The following NUP37 variants were observed in gnomAD, a reference collection of about 807,000 sequenced individuals.
The protein encoded by NUP37 is nucleoporin Nup37.
Under a neutral mutation model 45.4 loss-of-function variants are expected in NUP37, and 33 were observed. That is an observed-to-expected ratio of 0.73 (90% CI 0.55 to 0.97). The LOEUF is 0.97. Among genes scored for constraint, NUP37 ranks in the 50% least tolerant of loss-of-function variants. NUP37 has a pLI of 0.00. For synonymous variants in NUP37, 127 were observed against 130.7 expected, an observed-to-expected ratio of 0.97 and a Z score of 0.19; for missense variants, 365 against 389.7, an observed-to-expected ratio of 0.94 and a Z score of 0.53.
At chr12:102,092,356 A>T (rs1879679205) in intron 5 of NUP37, among the ~76,000 whole-genome samples, 1 of 152,176 alleles carries the variant, frequency 6.6e-6, no homozygotes, top group Non-Finnish European at 1.5e-5. Context: ...TTGATTAATT[A>T]AGTAAGAAAG....
At chr12:102,089,757 T>C (rs572481077) in intron 5 of NUP37, among the ~76,000 whole-genome samples, 17 of 146,414 alleles carry the variant, frequency 1.2e-4, no homozygotes, top group African/African-American at 4.3e-4. Context: ...CCAGAGGAGG[T>C]GGCCGGGCAG....
chr12:102,116,157 TGTTA>T (rs1165370509), intron 2 of NUP37, among the ~76,000 whole-genome samples: 7 of 152,324 alleles, frequency 4.6e-5, no homozygotes, highest in Middle Eastern at 3.4e-3. Flanking sequence ...TTTTTTCTCA[TGTTA>T]GTCATTTTCC....
rs537434932 is a variant in NUP37 at position 102,094,112 on chromosome 12, GTTCTT to G, written c.449+4989_449+4993del. Among the ~76,000 whole-genome samples the G allele has an allele frequency of 1.9e-3, 282 of 152,186 alleles. 1 individual carries two copies. Among genetic ancestry groups the G allele is most frequent in the African/African-American group, 6.6e-3 (273 of 41,552 alleles). ...TGTGTTTTAGTATAATTTTTGGAGA[GTTCTT>G]TTAACGACAAAGAATCTCTATGTTC... is the stretch of plus-strand genomic sequence containing the variant. On this transcript the variant is annotated intron_variant, in intron 5 of 9. Coordinates refer to ENST00000552283, the MANE Select transcript of NUP37 (RefSeq NM_024057.4).
At position 102,101,052 on chromosome 12, in the gene NUP37, G is replaced by A; in HGVS notation, c.334C>T (p.Gln112Ter). Residue 112 changes from glutamine (Q) to a stop codon, truncating the protein, a stop_gained, in exon 4 of 10, where the codon CAG becomes TAG. Coordinates refer to ENST00000552283, the MANE Select transcript of NUP37 (RefSeq NM_024057.4). LOFTEE classifies it high-confidence loss of function. ...CATACCTTATATTCATTTTTATCCTGAAGATCTGAAGTAAATAATCTAATT... is the reference window on the plus strand; with the variant it reads ...CATACCTTATATTCATTTTTATCCTAAAGATCTGAAGTAAATAATCTAATT... ...MKIRLFTSDL[Q>*]DKNEYKVLEG... 1 of 1,550,266 alleles carries A rather than the reference G, an allele frequency of 6.5e-7. No homozygotes were observed. Among genetic ancestry groups the A allele is most frequent in the South Asian group, 1.2e-5 (1 of 83,140 alleles).
In NUP37 at chr12:102,118,450, T is replaced by C. The variant is rs1217382729; in HGVS notation, c.69A>G (p.Glu23=). The part of the protein sequence containing the change: ...VDCEDYVHVV[E]FNPFENGDSG... ...AATCCCCATTCTCAAAGGGATTAAA[T>C]TCTACCACATGCACATAATCTTCAC... The change falls in exon 2 of 10, where the codon GAA becomes GAG. Residue 23 remains glutamate (E), a synonymous_variant. Transcript: ENST00000552283. The C allele has an allele frequency of 6.2e-7, 1 of 1,614,088 alleles. No homozygotes were observed. The highest frequency in any genetic ancestry group is 1.7e-5 in the Admixed American group (1 of 60,006).
At chr12:102,088,695 T>C (rs1283305698) in intron 5 of NUP37, among the ~76,000 whole-genome samples, 1 of 139,936 alleles carries the variant, frequency 7.1e-6, no homozygotes, top group African/African-American at 3.3e-5. Context: ...GTTTTTGTTT[T>C]TGTTTTAATT....
intron 7 of NUP37, 167 bp from the exon 8 acceptor site, chr12:102,077,014 A>T (rs1594382741): frequency 1.6e-6 from 1 of 624,432 alleles, no homozygotes; most frequent in East Asian, 2.7e-5. Flanking sequence ...CAATAAAGAC[A>T]TGACTTAGAA....
chr12:102,076,770 A>G (rs1291264865), intron 8 of NUP37, 27 bp downstream of exon 8: 2 of 1,606,926 alleles, frequency 1.2e-6, no homozygotes, highest in Admixed American at 3.3e-5. Context: ...AGATCAAATC[A>G]CAGCTCCAAC....
chr12:102,074,549 G>T, intron 9 of NUP37, 82 bp from the exon 10 acceptor site: 1 of 786,628 alleles, frequency 1.3e-6, no homozygotes, highest in Non-Finnish European at 2.1e-6. Context: ...AATATGAAAT[G>T]CATTGATGAT....
At chr12:102,110,745 T>C (rs1398877894) in intron 3 of NUP37, among the ~76,000 whole-genome samples, 2 of 152,018 alleles carry the variant, frequency 1.3e-5, no homozygotes, top group African/African-American at 4.8e-5. Context: ...AGGAGGAGGC[T>C]GAGGTGGGAA....
intron 5 of NUP37, 130 bp from the exon 6 acceptor site, chr12:102,085,986 C>T: frequency 7.1e-6 from 3 of 422,406 alleles, no homozygotes; most frequent in Non-Finnish European, 1.3e-5. Context: ...TAATGTATAT[C>T]TTTTTAAAGA....
At chr12:102,086,870 G>T (rs1030963492) in intron 5 of NUP37, among the ~76,000 whole-genome samples, 4 of 152,200 alleles carry the variant, frequency 2.6e-5, no homozygotes, top group African/African-American at 4.8e-5. Flanking sequence ...GATTGCTTGA[G>T]CCCAGGAGTT....
chr12:102,114,074 T>TC lies in NUP37; in HGVS notation c.157-1843_157-1842insG, dbSNP rs1429364942. 4.6e-5 allele frequency among the ~76,000 whole-genome samples: 7 copies of TC among 152,366 alleles called. No individual in the cohort carries two copies. The South Asian group carries it at 1.4e-3, about 32-fold the overall frequency. On this transcript the variant is annotated intron_variant, in intron 2 of 9. Coordinates refer to ENST00000552283, the MANE Select transcript of NUP37 (RefSeq NM_024057.4). The stretch of plus-strand genomic sequence containing the variant: ...ACTGTCAAATTTTACTACTTCGTAA[T>TC]TTGTGTGTATAATAGTTGTATAGCT...
intron 6 of NUP37, 98 bp from the exon 7 acceptor site, chr12:102,077,601 C>T: frequency 1.3e-5 from 15 of 1,191,790 alleles, no homozygotes; most frequent in Non-Finnish European, 1.6e-5. Context: ...AAAATGTAAA[C>T]ATTTGCAATA....
Position 102,118,557 on chromosome 12 carries a change from A to C in NUP37, c.-39T>G. 1 of 1,587,826 alleles carries C rather than the reference A, an allele frequency of 6.3e-7. No individual in the cohort carries two copies. The highest frequency in any genetic ancestry group is 8.6e-7 in the Non-Finnish European group (1 of 1,166,038). On this transcript the variant is annotated 5_prime_UTR_variant, in exon 2 of 10. Coordinates refer to ENST00000552283, the MANE Select transcript of NUP37 (RefSeq NM_024057.4). ...ATTCAAGCAGTTGTGAAAATTAAAT[A>C]GCCTTCTACTGGACAAGGTCACGAA...
chr12:102,101,009 G>A (rs1319851460), intron 4 of NUP37, 23 bp downstream of exon 4: 1 of 1,367,970 alleles, frequency 7.3e-7, no homozygotes, highest in Non-Finnish European at 1.0e-6. Context: ...AAGCTCTAAA[G>A]ATTTATATGG....
At chr12:102,119,812 C>T (rs1404662108) in intron 1 of NUP37, among the ~76,000 whole-genome samples, 1 of 152,130 alleles carries the variant, frequency 6.6e-6, no homozygotes, top group African/African-American at 2.4e-5. Context: ...CCTCACCGTA[C>T]ACGTTGGACA....
Position 102,091,399 on chromosome 12 carries a change from C to CAAAA in NUP37, c.450-5547_450-5544dup, listed in dbSNP as rs1163474160. On this transcript the variant is annotated intron_variant, in intron 5 of 9. Coordinates refer to ENST00000552283, the MANE Select transcript of NUP37 (RefSeq NM_024057.4). ...GGAAACAGAGTGAGAGACTCCGTCT[C>CAAAA]AAAAAAAAAAAAAAAAAAAAAAAAA... Among the ~76,000 whole-genome samples the CAAAA allele has an allele frequency of 2.1e-3, 81 of 37,788 alleles. 3 individuals carry two copies. The highest frequency in any genetic ancestry group is 7.7e-3 in the African/African-American group (73 of 9,504). 24.8% of individuals were successfully genotyped at this position (37,788 alleles called of 152,430 possible). A position where few individuals can be genotyped will look rare whatever the true frequency, so the allele number is the denominator to read the frequency against.
At chr12:102,080,582 C>A (rs1347235525) in intron 6 of NUP37, among the ~76,000 whole-genome samples, 2 of 152,178 alleles carry the variant, frequency 1.3e-5, no homozygotes, top group Non-Finnish European at 2.9e-5. Context: ...TTTATTTAAT[C>A]CCCTAAACCA....
Sources: allele counts gnomAD v4.1 joint callset (sites outside exome capture counted in the v4.1 genomes callset), GRCh38; gene constraint gnomAD v4.1.1; transcripts MANE v1.5; gene names NCBI Gene and HGNC (gene_info 2026-07-23, HGNC 2026-07-21).